Variants in TTC12 observed in about 807,000 individuals in gnomAD.
TTC12 encodes the protein tetratricopeptide repeat domain 12, also known as tetratricopeptide repeat protein 12.
TTC12 carries 70 observed loss-of-function variants against 90.1 expected under a neutral mutation model. The ratio of observed to expected loss-of-function variants is 0.78; its 90% CI spans 0.64 to 0.95. TTC12 has a LOEUF of 0.95. Ranked by LOEUF, TTC12 falls within the 40% of genes least tolerant of loss-of-function variation. The pLI is 0.00. For synonymous variants in TTC12, 296 were observed against 311.5 expected, an observed-to-expected ratio of 0.95 and a Z score of 0.53; for missense variants, 819 against 846.1, an observed-to-expected ratio of 0.97 and a Z score of 0.40.
downstream of TTC12, chr11:113,366,469 G>C: frequency 5.0e-6 from 6 of 1,211,366 alleles, no homozygotes; most frequent in Non-Finnish European, 6.8e-6. Context: ...TAGGCTGGCT[G>C]CTGTGGTGGG....
rs1307791045 is a variant in TTC12, at chr11:113,364,434, T to A, written c.1817-401T>A. ...CCACCATGGAAGCGGCAAGCCTTTC[T>A]CCTGGATCCTGTTGCATACCCTGCA... On this transcript the variant is annotated intron_variant, in intron 20 of 21. Coordinates refer to ENST00000529221, the MANE Select transcript of TTC12 (RefSeq NM_017868.4). 3 of 252,246 alleles carry A rather than the reference T, an allele frequency of 1.2e-5. No homozygotes were observed. In the Admixed American group the frequency reaches 1.5e-4, roughly 12 times the overall value. 15.6% of individuals were successfully genotyped at this position (252,246 alleles called of 1,614,324 possible). A position where few individuals can be genotyped will look rare whatever the true frequency, so the allele number is the denominator to read the frequency against.
At chr11:113,358,107 G>T (rs572176834) in intron 16 of TTC12, among the ~76,000 whole-genome samples, 2 of 152,322 alleles carry the variant, frequency 1.3e-5, no homozygotes, top group Non-Finnish European at 2.9e-5. Context: ...CCTAGGGGGA[G>T]AAGGATCTGC....
intron 4 of TTC12, 151 bp from the exon 5 acceptor site, chr11:113,324,454 T>C (rs550377964): frequency 1.0e-5 from 6 of 587,324 alleles, no homozygotes; most frequent in Admixed American, 6.7e-5. Flanking sequence ...AAAATGTCAT[T>C]TTAGTTGCCT....
At chr11:113,352,817 T>C (rs1949385516) in intron 16 of TTC12, among the ~76,000 whole-genome samples, 1 of 152,230 alleles carries the variant, frequency 6.6e-6, no homozygotes, top group African/African-American at 2.4e-5. Context: ...TATTCCGTGG[T>C]GTATATGTAC....
At chr11:113,365,275 C>A (rs914227127) in intron 21 of TTC12, among the ~76,000 whole-genome samples, 2 of 152,150 alleles carry the variant, frequency 1.3e-5, no homozygotes, top group African/African-American at 4.8e-5. Context: ...GAGAGGGAAT[C>A]GGCTTGTCTG....
chr11:113,341,209 G>A (rs1948662618), intron 11 of TTC12, among the ~76,000 whole-genome samples: 1 of 152,148 alleles, frequency 6.6e-6, no homozygotes, highest in South Asian at 2.1e-4. Context: ...CAGCCTAGGC[G>A]ATACAACCAG....
At chr11:113,370,982 G>A (rs143768124), downstream of TTC12, among the ~76,000 whole-genome samples, 45 of 152,130 alleles carry the variant, frequency 3.0e-4, no homozygotes, top group Middle Eastern at 6.8e-3. Flanking sequence ...CCACACACAC[G>A]GAATTCATCT....
intron 21 of TTC12, 21 bp from the exon 22 acceptor site, chr11:113,366,201 GGTT>G (rs1565634851): frequency 6.2e-7 from 1 of 1,611,140 alleles, no homozygotes. Context: ...TTATGCCCTG[GGTT>G]GTTTGTTTTG....
In TTC12 at chr11:113,340,655, C is replaced by G. The variant is rs1278247317; in HGVS notation, c.827-9C>G. ...GAGTCTGAAGTGGTTTTCTTTGTAT[C>G]TGTTTCAGGCACAGAACAAACTTTA... On this transcript the variant is annotated splice_polypyrimidine_tract_variant and intron_variant, in intron 10 of 21. Coordinates refer to ENST00000529221, the MANE Select transcript of TTC12 (RefSeq NM_017868.4). 4 of 1,613,050 alleles carry G rather than the reference C, an allele frequency of 2.5e-6. No individual in the cohort carries two copies. The highest frequency in any genetic ancestry group is 3.3e-5 in the Admixed American group (2 of 60,018).
At chr11:113,358,475 G>A (rs567375417) in intron 16 of TTC12, among the ~76,000 whole-genome samples, 4 of 152,258 alleles carry the variant, frequency 2.6e-5, no homozygotes, top group African/African-American at 9.6e-5. Context: ...TCAGCAAGCA[G>A]GTGTGGCCTG....
intron 21 of TTC12, 115 bp from the exon 22 acceptor site, chr11:113,366,108 CAG>C: frequency 1.4e-5 from 16 of 1,113,230 alleles, no homozygotes; most frequent in Non-Finnish European, 2.1e-5. Flanking sequence ...TGTTTCCACC[CAG>C]AGTGATAGGA....
downstream of TTC12, chr11:113,368,353 C>T (rs1161612765): frequency 2.6e-6 from 4 of 1,547,502 alleles, no homozygotes; most frequent in Non-Finnish European, 3.5e-6. Flanking sequence ...ACACATGCTA[C>T]CATGCAGACC....
rs1201276199 is a variant in TTC12, at chr11:113,357,171, A to G, written c.1447-2192A>G. Reference sequence around the variant, plus strand: ...CTTGTCTGACTGTCTTATTTCAGAAAGCCTGTGTTCAAGCTCTGAGATTAT... The same window carrying G: ...CTTGTCTGACTGTCTTATTTCAGAAGGCCTGTGTTCAAGCTCTGAGATTAT... On this transcript the variant is annotated intron_variant, in intron 16 of 21. Coordinates refer to ENST00000529221, the MANE Select transcript of TTC12 (RefSeq NM_017868.4). 2.0e-5 allele frequency among the ~76,000 whole-genome samples: 3 copies of G among 152,246 alleles called. No homozygotes were observed. The East Asian group carries it at 5.8e-4, about 29-fold the overall frequency.
At chr11:113,368,392 C>T (rs201533164), downstream of TTC12, 1,133 of 1,548,582 alleles carry the variant, frequency 7.3e-4, 10 homozygotes, top group Non-Finnish European at 2.1e-4. Context: ...ATACCAGCGC[C>T]ATCTTTCAGA....
At chr11:113,323,481 G>GGC in intron 3 of TTC12, 30 bp downstream of exon 3, 1 of 1,481,842 alleles carries the variant, frequency 6.7e-7, no homozygotes, top group Non-Finnish European at 9.0e-7. Context: ...AGTTATATAA[G>GGC]TACTTACAGT....
At chr11:113,357,804 T>C (rs532649383) in intron 16 of TTC12, among the ~76,000 whole-genome samples, 5 of 152,312 alleles carry the variant, frequency 3.3e-5, no homozygotes, top group African/African-American at 1.2e-4. Context: ...TACACTTTAC[T>C]GGGGGAGCCA....
chr11:113,326,957 TAAATG>T (rs1178401680), intron 6 of TTC12, among the ~76,000 whole-genome samples: 2 of 152,204 alleles, frequency 1.3e-5, no homozygotes, highest in African/African-American at 4.8e-5. Context: ...AGGCATCACT[TAAATG>T]CAAGCAATTA....
chr11:113,351,322 C>T (rs1949280027), intron 15 of TTC12, 23 bp downstream of exon 15: 1 of 1,607,962 alleles, frequency 6.2e-7, no homozygotes, highest in Non-Finnish European at 8.5e-7. Flanking sequence ...TCATTTTCAT[C>T]CTCTGTAACA....
downstream of TTC12, chr11:113,368,322 G>T: frequency 1.3e-6 from 2 of 1,543,358 alleles, no homozygotes; most frequent in Non-Finnish European, 1.7e-6. Flanking sequence ...CCCCGCCACC[G>T]CCCCAAACTT....
Sources: allele counts gnomAD v4.1 joint callset (sites outside exome capture counted in the v4.1 genomes callset), GRCh38; gene constraint gnomAD v4.1.1; transcripts MANE v1.5; gene names NCBI Gene and HGNC (gene_info 2026-07-23, HGNC 2026-07-21).